Variants in SHISA9 observed in about 807,000 individuals in gnomAD.
SHISA9 encodes shisa family member 9.
A neutral mutation model predicts 38.0 loss-of-function variants in SHISA9; 13 were observed. That is an observed-to-expected ratio of 0.34 (90% CI 0.22 to 0.54). SHISA9 has a LOEUF of 0.54. SHISA9 is among the 20% of genes least tolerant of loss of function. SHISA9 has a pLI of 0.91. For synonymous variants in SHISA9, 275 were observed against 242.0 expected, an observed-to-expected ratio of 1.14 and a Z score of -1.27; for missense variants, 538 against 575.8, an observed-to-expected ratio of 0.93 and a Z score of 0.67.
chr16:13,487,344 G>C, the SHISA9 span, among the ~76,000 whole-genome samples: 1 of 152,234 alleles, frequency 6.6e-6, no homozygotes, highest in Non-Finnish European at 1.5e-5. Flanking sequence ...CAGTTCTGTA[G>C]GGCGTACAGG....
At chr16:13,448,310 A>C in the SHISA9 span, among the ~76,000 whole-genome samples, 1 of 152,200 alleles carries the variant, frequency 6.6e-6, no homozygotes, top group African/African-American at 2.4e-5. Flanking sequence ...GGTAATTTTA[A>C]ATAGTGGAAC....
At chr16:13,401,670 AG>A in the SHISA9 span, among the ~76,000 whole-genome samples, 1 of 152,220 alleles carries the variant, frequency 6.6e-6, no homozygotes, top group South Asian at 2.1e-4. Context: ...TCTACAAGAC[AG>A]GAAGAGGGAC....
intron 2 of SHISA9, among the ~76,000 whole-genome samples, chr16:12,973,315 T>C (rs1318464053): frequency 6.6e-6 from 1 of 152,206 alleles, no homozygotes; most frequent in Non-Finnish European, 1.5e-5. Context: ...AGGAGGGCCC[T>C]CTGGACTGAA....
chr16:13,426,556 C>G, the SHISA9 span, among the ~76,000 whole-genome samples: 2 of 152,162 alleles, frequency 1.3e-5, no homozygotes, highest in Non-Finnish European at 2.9e-5. Context: ...TCTTGACATT[C>G]TTTTTAGACC....
chr16:13,059,463 C>T (rs1033088837), intron 2 of SHISA9, among the ~76,000 whole-genome samples: 1 of 152,054 alleles, frequency 6.6e-6, no homozygotes, highest in Non-Finnish European at 1.5e-5. Flanking sequence ...CAGAGTCTAT[C>T]TGTAAACATG....
chr16:13,359,561 G>A, the SHISA9 span, among the ~76,000 whole-genome samples: 1 of 152,050 alleles, frequency 6.6e-6, no homozygotes, highest in Admixed American at 6.6e-5. Flanking sequence ...ATGGTAGGTG[G>A]GAAAGTTGTG....
At chr16:13,126,182 A>C (rs2050254852) in intron 2 of SHISA9, among the ~76,000 whole-genome samples, 1 of 152,186 alleles carries the variant, frequency 6.6e-6, no homozygotes, top group Non-Finnish European at 1.5e-5. Flanking sequence ...TTTGCACAGC[A>C]GTTTGGAGAG....
chr16:13,427,398 AGTGTAAACAG>A, the SHISA9 span, among the ~76,000 whole-genome samples: 3 of 152,246 alleles, frequency 2.0e-5, no homozygotes. Flanking sequence ...TACAGATGGA[AGTGTAAACAG>A]GTTTCTACAG....
At chr16:13,279,797 G>A in the SHISA9 span, among the ~76,000 whole-genome samples, 2 of 151,814 alleles carry the variant, frequency 1.3e-5, no homozygotes, top group South Asian at 4.1e-4. Flanking sequence ...GTTTTCAGGT[G>A]CATATGCATT....
intron 2 of SHISA9, among the ~76,000 whole-genome samples, chr16:13,119,350 CTCA>C (rs1232707158): frequency 6.6e-6 from 1 of 152,156 alleles, no homozygotes; most frequent in East Asian, 1.9e-4. Flanking sequence ...CTTTTAATAA[CTCA>C]TCATACAATT....
the SHISA9 span, among the ~76,000 whole-genome samples, chr16:13,256,164 T>C: frequency 4.6e-5 from 7 of 152,254 alleles, no homozygotes; most frequent in Non-Finnish European, 1.0e-4. Flanking sequence ...TTAATCCTAA[T>C]AATCCTTTAA....
At chr16:13,425,121 T>C in the SHISA9 span, among the ~76,000 whole-genome samples, 2 of 152,230 alleles carry the variant, frequency 1.3e-5, no homozygotes, top group African/African-American at 4.8e-5. Flanking sequence ...CAATACCACA[T>C]GTTCCCGCTT....
chr16:13,434,355 G>A, the SHISA9 span, among the ~76,000 whole-genome samples: 10 of 150,490 alleles, frequency 6.6e-5, no homozygotes, highest in African/African-American at 2.4e-4. Context: ...ACAATACTTT[G>A]CATCCTTCAA....
the SHISA9 span, among the ~76,000 whole-genome samples, chr16:13,419,656 G>A: frequency 1.3e-5 from 2 of 152,188 alleles, no homozygotes; most frequent in African/African-American, 4.8e-5. Context: ...TGAACTTGAA[G>A]ACCAGGGTTG....
chr16:13,522,480 C>T, the SHISA9 span, among the ~76,000 whole-genome samples: 2 of 152,072 alleles, frequency 1.3e-5, no homozygotes, highest in Admixed American at 6.6e-5. Flanking sequence ...TTTGCTTCCT[C>T]GACCATCAGT....
intron 2 of SHISA9, among the ~76,000 whole-genome samples, chr16:13,200,063 T>C (rs1219099508): frequency 6.6e-6 from 1 of 152,138 alleles, no homozygotes; most frequent in African/African-American, 2.4e-5. Flanking sequence ...TCCTTTGCCC[T>C]TGGGGTGACA....
chr16:13,210,311 C>T (rs1408740637), intron 3 of SHISA9, among the ~76,000 whole-genome samples: 4 of 152,116 alleles, frequency 2.6e-5, no homozygotes, highest in African/African-American at 9.7e-5. Context: ...TCCTAAGTGA[C>T]CAAAGATTCA....
the SHISA9 span, among the ~76,000 whole-genome samples, chr16:13,494,927 C>T: frequency 7.0e-4 from 106 of 152,218 alleles, no homozygotes; most frequent in African/African-American, 2.4e-3. Flanking sequence ...CATGCAACAC[C>T]CTGCATGAAT....
At chr16:12,952,329 C>T (rs745414340) in intron 2 of SHISA9, among the ~76,000 whole-genome samples, 6 of 152,184 alleles carry the variant, frequency 3.9e-5, no homozygotes, top group Non-Finnish European at 5.9e-5. Context: ...AGCCCCGTGG[C>T]ACGGTCCCTC....
Sources: gnomAD v4.1 joint callset for allele counts (sites outside exome capture counted in the v4.1 genomes callset) on GRCh38, gnomAD v4.1.1 for gene constraint, MANE v1.5 for transcripts, NCBI Gene and HGNC (gene_info 2026-07-23, HGNC 2026-07-21) for gene names.